Variants in TGS1 observed in about 807,000 individuals in gnomAD.
The protein encoded by TGS1 is trimethylguanosine synthase.
In TGS1, 69 loss-of-function variants were observed where a neutral mutation model predicts 92.2. The ratio of observed to expected loss-of-function variants is 0.75; its 90% CI spans 0.62 to 0.91. TGS1 has a LOEUF of 0.91. Among genes scored for constraint, TGS1 ranks in the 40% least tolerant of loss-of-function variants. The probability of loss-of-function intolerance (pLI) is 0.00; values close to 1 mark genes in which losing one functional copy is unlikely to be tolerated. For synonymous variants in TGS1, 345 were observed against 338.1 expected (o/e 1.02, Z -0.22); for missense variants, 1,062 against 1,001.2 (o/e 1.06, Z -0.82).
At chr8:55,813,694 C>T (rs1448040868) in intron 12 of TGS1, among the ~76,000 whole-genome samples, 1 of 152,126 alleles carries the variant, frequency 6.6e-6, no homozygotes, top group East Asian at 1.9e-4. Context: ...ATGCTATCTC[C>T]ATTATTTCTT....
chr8:55,799,068 A>G lies in TGS1; in HGVS notation c.1697A>G (p.Asn566Ser). 2 of 1,614,220 alleles carry G rather than the reference A, an allele frequency of 1.2e-6. No homozygotes were observed. Among genetic ancestry groups the G allele is most frequent in the Non-Finnish European group, 8.5e-7 (1 of 1,180,040 alleles). The change falls in exon 8 of 13, where the codon AAT becomes AGT. Residue 566 changes from asparagine (N) to serine (S), a missense_variant. Physicochemically the swap from Asn to Ser is conservative, Grantham distance 46 (BLOSUM62 1). Transcript: ENST00000260129. ...VKKGDDLLET[N>S]NPEPEKCQSV... ...AAAGGTGATGACCTACTGGAGACTA[A>G]TAATCCAGAACCTGAAAAGTGTCAG...
intron 3 of TGS1, 71 bp from the exon 4 acceptor site, chr8:55,786,166 AT>A: frequency 2.2e-6 from 2 of 907,044 alleles, no homozygotes; most frequent in Non-Finnish European, 3.2e-6. Context: ...TAATGTCAAA[AT>A]AGACTTGGAT....
At chr8:55,814,089 A>G (rs370042092) in intron 12 of TGS1, among the ~76,000 whole-genome samples, 5 of 152,254 alleles carry the variant, frequency 3.3e-5, no homozygotes, top group East Asian at 1.9e-4. Context: ...CTGGGACCAC[A>G]GGTACACAGC....
At chr8:55,785,510 T>G (rs1811682834) in intron 2 of TGS1, among the ~76,000 whole-genome samples, 1 of 152,052 alleles carries the variant, frequency 6.6e-6, no homozygotes, top group Non-Finnish European at 1.5e-5. Flanking sequence ...AGCTTTTTAG[T>G]GCATTATGAT....
intron 4 of TGS1, among the ~76,000 whole-genome samples, chr8:55,789,852 A>G (rs1294067511): frequency 6.6e-6 from 1 of 152,208 alleles, no homozygotes; most frequent in Non-Finnish European, 1.5e-5. Context: ...ATTAGCCAAA[A>G]CTGTGCTTGA....
intron 6 of TGS1, among the ~76,000 whole-genome samples, chr8:55,795,128 G>C (rs1812002179): frequency 6.6e-6 from 1 of 152,158 alleles, no homozygotes; most frequent in Non-Finnish European, 1.5e-5. Context: ...ATTCCTGGCA[G>C]GATGTATTAC....
At chr8:55,807,770 A>G (rs75303745) in intron 10 of TGS1, among the ~76,000 whole-genome samples, 23,696 of 151,708 alleles carry the variant, frequency 0.16, 2,200 homozygotes, top group African/African-American at 0.26. Flanking sequence ...GCTTTAAGCA[A>G]TCCTCCCCTT....
intron 1 of TGS1, among the ~76,000 whole-genome samples, chr8:55,781,807 A>G (rs1811571151): frequency 6.6e-6 from 1 of 152,238 alleles, no homozygotes; most frequent in Non-Finnish European, 1.5e-5. Context: ...CTCCATTAGA[A>G]AAGTTATGTT....
At chr8:55,812,611 C>T (rs1803368280) in intron 11 of TGS1, among the ~76,000 whole-genome samples, 1 of 151,740 alleles carries the variant, frequency 6.6e-6, no homozygotes, top group Non-Finnish European at 1.5e-5. Flanking sequence ...CTCTTGAACC[C>T]AGGAGGAGGT....
rs200870434 is a variant in TGS1, at chr8:55,777,906, T to G, written c.101+4187T>G. ...ACAAATGTCAGAATAATTTAAATTT[T>G]TTTTTTTTTTAATTTAAGCCTTCTA... On this transcript the variant is annotated intron_variant, in intron 1 of 12. Coordinates refer to ENST00000260129, the MANE Select transcript of TGS1 (RefSeq NM_024831.8). 3.3e-5 allele frequency among the ~76,000 whole-genome samples: 5 copies of G among 151,656 alleles called. No individual in the cohort carries two copies. In the South Asian group the frequency reaches 1.0e-3, roughly 32 times the overall value.
At chr8:55,795,342 T>TGGA (rs1812007366) in intron 6 of TGS1, among the ~76,000 whole-genome samples, 1 of 152,210 alleles carries the variant, frequency 6.6e-6, no homozygotes, top group Non-Finnish European at 1.5e-5. Flanking sequence ...GACCTGATAT[T>TGGA]TAAACCCAGA....
At position 55,785,736 on chromosome 8, in the gene TGS1, G is replaced by T; in HGVS notation, c.184G>T (p.Glu62Ter). ...GNNSGDQATE[E>*]EEGGYSCGTA... ...GTCTATAGGAGACCAGGCGACAGAA[G>T]AAGAGGAAGGTGGTTATTCCTGTGG... The change falls in exon 3 of 13, where the codon GAA becomes TAA. Residue 62 changes from glutamate (E) to a stop codon, truncating the protein, a stop_gained. Coordinates refer to ENST00000260129, the MANE Select transcript of TGS1 (RefSeq NM_024831.8). LOFTEE classifies it high-confidence loss of function. 1 of 1,608,516 alleles carries T rather than the reference G, an allele frequency of 6.2e-7. No homozygotes were observed. The highest frequency in any genetic ancestry group is 8.5e-7 in the Non-Finnish European group (1 of 1,178,132).
chr8:55,804,888 T>C lies in TGS1; in HGVS notation c.2000-5T>C. On this transcript the variant is annotated splice_polypyrimidine_tract_variant and splice_region_variant and intron_variant, in intron 9 of 12. Coordinates refer to ENST00000260129, the MANE Select transcript of TGS1 (RefSeq NM_024831.8). Reference sequence around the variant, plus strand: ...CATGCTAACACAAATACTCTTCCTTTGCAGAGGGCTGGTTTTCAGTTACAC... The same window carrying C: ...CATGCTAACACAAATACTCTTCCTTCGCAGAGGGCTGGTTTTCAGTTACAC... The C allele has an allele frequency of 6.2e-7, 1 of 1,613,364 alleles. No individual in the cohort carries two copies. The highest frequency in any genetic ancestry group is 8.5e-7 in the Non-Finnish European group (1 of 1,179,512).
chr8:55,799,264 A>G, intron 8 of TGS1, 44 bp downstream of exon 8: 1 of 1,523,426 alleles, frequency 6.6e-7, no homozygotes, highest in South Asian at 1.3e-5. Context: ...TTTAGATAAA[A>G]TTTTTTTTGT....
intron 5 of TGS1, 54 bp downstream of exon 5, chr8:55,790,353 G>A (rs1811845054): frequency 9.1e-7 from 1 of 1,097,072 alleles, no homozygotes; most frequent in Admixed American, 1.7e-5. Context: ...GCATTTGTAT[G>A]CATAAGCCAG....
chr8:55,784,723 A>G (rs1416487181), intron 2 of TGS1, among the ~76,000 whole-genome samples: 1 of 152,342 alleles, frequency 6.6e-6, no homozygotes, highest in East Asian at 1.9e-4. Context: ...GCATGAAGAC[A>G]TGCTTCTCAC....
intron 5 of TGS1, 139 bp from the exon 6 acceptor site, chr8:55,792,559 T>C (rs1209428706): frequency 3.4e-6 from 2 of 584,692 alleles, no homozygotes; most frequent in Non-Finnish European, 6.2e-6. Flanking sequence ...TTTTTCCTGG[T>C]TTCCTGGATT....
At chr8:55,804,310 G>A (rs1812301801) in intron 9 of TGS1, among the ~76,000 whole-genome samples, 3 of 152,124 alleles carry the variant, frequency 2.0e-5, no homozygotes, top group East Asian at 1.9e-4. Flanking sequence ...GCATGGTAGC[G>A]TGTGCCTGTA....
In TGS1 at chr8:55,774,356, A is replaced by T. The variant is rs149902779; in HGVS notation, c.101+637A>T. ...CCACTTGAACCTTTTTTTCATCTCTATAACGGGTATATTTAATCTCACATG... is the reference window on the plus strand; with the variant it reads ...CCACTTGAACCTTTTTTTCATCTCTTTAACGGGTATATTTAATCTCACATG... On this transcript the variant is annotated intron_variant, in intron 1 of 12. Transcript: ENST00000260129. Among the ~76,000 whole-genome samples the T allele has an allele frequency of 5.9e-3, 905 of 152,282 alleles. 5 individuals carry two copies. Among genetic ancestry groups the T allele is most frequent in the African/African-American group, 0.02 (835 of 41,558 alleles).
Sources: allele counts gnomAD v4.1 joint callset (sites outside exome capture counted in the v4.1 genomes callset), GRCh38; gene constraint gnomAD v4.1.1; transcripts MANE v1.5; gene names NCBI Gene and HGNC (gene_info 2026-07-23, HGNC 2026-07-21).